Variants in TSHZ3 observed in about 807,000 individuals in gnomAD.
TSHZ3 encodes the protein teashirt zinc finger homeobox 3, also known as teashirt homolog 3.
Under a neutral mutation model 64.5 loss-of-function variants are expected in TSHZ3, and 10 were observed. That is an observed-to-expected ratio of 0.16 (90% CI 0.10 to 0.26). The LOEUF is 0.26. Among genes scored for constraint, TSHZ3 ranks in the 10% least tolerant of loss-of-function variants. TSHZ3 has a pLI of 1.00. For synonymous variants in TSHZ3, 608 were observed against 593.1 expected (o/e 1.03, Z -0.36); for missense variants, 1,242 against 1,421.7 (o/e 0.87, Z 2.03).
intron 1 of TSHZ3, among the ~76,000 whole-genome samples, chr19:31,315,055 T>G (rs940198628): frequency 1.3e-5 from 2 of 152,214 alleles, no homozygotes; most frequent in Non-Finnish European, 1.5e-5. Context: ...TGGACACTTC[T>G]GTCCTGGGCA....
Position 31,320,078 on chromosome 19 carries a change from G to T in TSHZ3, c.40+29102C>A, listed in dbSNP as rs943738568. On this transcript the variant is annotated intron_variant, in intron 1 of 1. Transcript: ENST00000240587. Reference sequence around the variant, plus strand: ...AGCTCACACCCTGAAACATTTTCTCGGGTTACATCTGATCTATACAGAAAC... The same window carrying T: ...AGCTCACACCCTGAAACATTTTCTCTGGTTACATCTGATCTATACAGAAAC... Among the ~76,000 whole-genome samples, 8 of 152,244 alleles carry T rather than the reference G, an allele frequency of 5.3e-5. No homozygotes were observed. In the South Asian group the frequency reaches 1.7e-3, roughly 32 times the overall value.
intron 4 of TSHZ3, among the ~76,000 whole-genome samples, chr19:31,226,902 A>G (rs1486078900): frequency 7.6e-6 from 1 of 131,884 alleles, no homozygotes; most frequent in Non-Finnish European, 1.6e-5. Flanking sequence ...CCTTATTTTC[A>G]TTTTTTGCTT....
chr19:31,212,644 A>C (rs1038115391), intron 4 of TSHZ3, among the ~76,000 whole-genome samples: 6 of 152,164 alleles, frequency 3.9e-5, no homozygotes, highest in African/African-American at 1.4e-4. Flanking sequence ...ACTCTGATTC[A>C]GTACCAATGG....
intron 1 of TSHZ3, among the ~76,000 whole-genome samples, chr19:31,290,751 G>GGAAT (rs2145129303): frequency 6.6e-6 from 1 of 152,108 alleles, no homozygotes; most frequent in South Asian, 2.1e-4. Flanking sequence ...AGAAACCAGG[G>GGAAT]GAATACCCAA....
At chr19:31,335,782 T>G (rs930299064) in intron 1 of TSHZ3, among the ~76,000 whole-genome samples, 1 of 152,230 alleles carries the variant, frequency 6.6e-6, no homozygotes. Flanking sequence ...GGTCTCTCTC[T>G]ACATATATTT....
intron 1 of TSHZ3, among the ~76,000 whole-genome samples, chr19:31,303,907 AG>A: frequency 6.6e-6 from 1 of 152,110 alleles, no homozygotes; most frequent in Non-Finnish European, 1.5e-5. Flanking sequence ...GTGCTATTCC[AG>A]GGCCTTCCCA....
At chr19:31,234,012 C>T (rs1975575248) in intron 3 of TSHZ3, among the ~76,000 whole-genome samples, 2 of 150,440 alleles carry the variant, frequency 1.3e-5, no homozygotes, top group Non-Finnish European at 3.0e-5. Flanking sequence ...GTACAAAGAA[C>T]ATCTTAACAC....
chr19:31,161,845 G>A (rs1974377730), intron 5 of TSHZ3, among the ~76,000 whole-genome samples: 1 of 152,204 alleles, frequency 6.6e-6, no homozygotes, highest in South Asian at 2.1e-4. Context: ...GCCATTGTAG[G>A]GCATGAATCG....
chr19:31,224,286 G>C (rs1162154241), intron 4 of TSHZ3, among the ~76,000 whole-genome samples: 1 of 152,310 alleles, frequency 6.6e-6, no homozygotes, highest in African/African-American at 2.4e-5. Flanking sequence ...CTAGGGAGTA[G>C]AGAGCGGGAG....
intron 4 of TSHZ3, among the ~76,000 whole-genome samples, chr19:31,212,913 A>C (rs1448893585): frequency 1.3e-5 from 2 of 152,184 alleles, no homozygotes; most frequent in African/African-American, 4.8e-5. Flanking sequence ...AATATTATTC[A>C]GCACTATAAA....
chr19:31,349,478 G>C, upstream of TSHZ3: 1 of 382,220 alleles, frequency 2.6e-6, no homozygotes, highest in South Asian at 8.9e-5. Context: ...GAGCACGGGG[G>C]GGAGGAGGAG....
rs979100128 is a variant in TSHZ3, at chr19:31,278,859, C to G, written c.934G>C (p.Val312Leu). ...GTGGCAGGGATGATTTTGGCGGCGA[C>G]AGGAGTGACGGGTTCCTTCAGAGGC... is the stretch of plus-strand genomic sequence containing the variant. Reference protein sequence around the residue: ...KVPLKEPVTPVAAKIIPATRK... With the variant: ...KVPLKEPVTPLAAKIIPATRK... Residue 312 changes from valine (V) to leucine (L), a missense_variant, in exon 2 of 2, where the codon GTC becomes CTC. Coordinates refer to ENST00000240587, the MANE Select transcript of TSHZ3 (RefSeq NM_020856.4). The surrounding 1 kb of genome is among the most constrained non-coding windows in gnomAD (Gnocchi z 4.7). The G allele has an allele frequency of 2.5e-6, 4 of 1,614,104 alleles. No homozygotes were observed. The highest frequency in any genetic ancestry group is 3.4e-6 in the Non-Finnish European group (4 of 1,180,042).
At chr19:31,291,926 G>A (rs1355813100) in intron 1 of TSHZ3, among the ~76,000 whole-genome samples, 2 of 152,156 alleles carry the variant, frequency 1.3e-5, no homozygotes, top group Admixed American at 6.5e-5. Context: ...AGCCAGCGAC[G>A]GTCTATACAG....
intron 3 of TSHZ3, among the ~76,000 whole-genome samples, chr19:31,234,584 A>T (rs566268354): frequency 6.6e-6 from 1 of 152,350 alleles, no homozygotes; most frequent in East Asian, 1.9e-4. Context: ...GTTTTTCATC[A>T]TGAACAAGTT....
intron 1 of TSHZ3, among the ~76,000 whole-genome samples, chr19:31,296,992 T>A (rs1976673049): frequency 6.6e-6 from 1 of 152,202 alleles, no homozygotes; most frequent in African/African-American, 2.4e-5. Flanking sequence ...GCAAACTATG[T>A]GCTGCAGTCC....
chr19:31,152,283 C>CGT lies in TSHZ3; in HGVS notation n.872-541_872-540dup, dbSNP rs3064806. On this transcript the variant is annotated intron_variant and non_coding_transcript_variant, in intron 6 of 6. Coordinates refer to the TSHZ3 transcript ENST00000651361. Reference sequence around the variant, plus strand: ...ATGCAATAACATGTGTATATGTGAGCGTGTGTGTGTGTGTGTGTGTGTGTG... The same window carrying CGT: ...ATGCAATAACATGTGTATATGTGAGCGTGTGTGTGTGTGTGTGTGTGTGTGTG... 1.6e-3 allele frequency among the ~76,000 whole-genome samples: 237 copies of CGT among 147,384 alleles called. 1 individual carries two copies. In the South Asian group the frequency reaches 0.022, roughly 14 times the overall value.
intron 1 of TSHZ3, among the ~76,000 whole-genome samples, chr19:31,308,130 C>T (rs1039494883): frequency 4.6e-5 from 7 of 152,038 alleles, no homozygotes; most frequent in African/African-American, 1.7e-4. Context: ...AATTGAAATC[C>T]CTAATGTTCT....
At chr19:31,252,352 G>A (rs559573699) in intron 1 of TSHZ3, among the ~76,000 whole-genome samples, 56 of 152,206 alleles carry the variant, frequency 3.7e-4, no homozygotes, top group African/African-American at 1.3e-3. Context: ...TCTCTTGTAA[G>A]GACACATGTC....
At chr19:31,332,461 C>T (rs1917124140) in intron 1 of TSHZ3, among the ~76,000 whole-genome samples, 1 of 152,130 alleles carries the variant, frequency 6.6e-6, no homozygotes. Flanking sequence ...ACTGAGATCA[C>T]ATTTTTTGGA....
Sources: allele counts gnomAD v4.1 joint callset (sites outside exome capture counted in the v4.1 genomes callset), GRCh38; gene constraint gnomAD v4.1.1; non-coding constraint Gnocchi (gnomAD v3.1); transcripts MANE v1.5; gene names NCBI Gene and HGNC (gene_info 2026-07-23, HGNC 2026-07-21).